FBXL2: variants seen among roughly 807,000 people sequenced by gnomAD.
FBXL2 encodes the protein F-box and leucine rich repeat protein 2, also known as F-box/LRR-repeat protein 2.
FBXL2 carries 38 observed loss-of-function variants against 69.2 expected under a neutral mutation model. That is an observed-to-expected ratio of 0.55 (90% CI 0.42 to 0.72). The LOEUF is 0.72. FBXL2 is among the 30% of genes least tolerant of loss of function. FBXL2 has a pLI of 0.00. For synonymous variants in FBXL2, 192 were observed against 201.3 expected, an observed-to-expected ratio of 0.95 and a Z score of 0.39; for missense variants, 354 against 520.3, an observed-to-expected ratio of 0.68 and a Z score of 3.11.
At chr3:33,304,550 C>T (rs1310347229) in intron 2 of FBXL2, among the ~76,000 whole-genome samples, 5 of 151,674 alleles carry the variant, frequency 3.3e-5, no homozygotes, top group Admixed American at 3.3e-4. Context: ...TTATTTTTTC[C>T]CCCTTTACTG....
intron 11 of FBXL2, among the ~76,000 whole-genome samples, chr3:33,377,720 G>T (rs1040877033): frequency 1.3e-5 from 2 of 152,144 alleles, no homozygotes; most frequent in African/African-American, 4.8e-5. Flanking sequence ...TCCTCCTGGG[G>T]CTGCTGATAT....
intron 13 of FBXL2, among the ~76,000 whole-genome samples, chr3:33,381,924 C>T (rs1467297815): frequency 1.3e-5 from 2 of 152,332 alleles, no homozygotes; most frequent in South Asian, 2.1e-4. Flanking sequence ...AGAGAAGAAT[C>T]TTTAAAGCAT....
rs2043225899 is a variant in FBXL2, at chr3:33,383,915, T to C, written c.952-74T>C. The C allele has an allele frequency of 6.8e-6, 10 of 1,470,086 alleles. No individual in the cohort carries two copies. In the South Asian group the frequency reaches 8.1e-5, roughly 12 times the overall value. The allele number at this position is 1,470,086 out of a possible 1,614,324, so 91.1% of individuals were successfully genotyped here. On this transcript the variant is annotated intron_variant, in intron 13 of 14. Coordinates refer to ENST00000484457, the MANE Select transcript of FBXL2 (RefSeq NM_012157.5). ...ATTGCAGAAGGGCAAAAAGGCTAGC[T>C]TCCAGCTTTTTTTTAGGACTTGAGC...
At chr3:33,364,824 G>A (rs2041848770) in intron 5 of FBXL2, 105 bp downstream of exon 5, 1 of 1,037,774 alleles carries the variant, frequency 9.6e-7, no homozygotes. Context: ...AATTCTTTCT[G>A]TGGTAATTTG....
chr3:33,282,409 T>G (rs527748728), intron 1 of FBXL2, among the ~76,000 whole-genome samples: 1 of 152,198 alleles, frequency 6.6e-6, no homozygotes, highest in Non-Finnish European at 1.5e-5. Context: ...GGTGTATATA[T>G]CTGTTTTGGT....
At chr3:33,408,423 G>A (rs557073219), downstream of FBXL2, among the ~76,000 whole-genome samples, 1 of 152,126 alleles carries the variant, frequency 6.6e-6, no homozygotes, top group East Asian at 1.9e-4. Flanking sequence ...AGTCAGGGAG[G>A]GAATACATAT....
At chr3:33,313,163 T>C (rs1340736187) in intron 2 of FBXL2, among the ~76,000 whole-genome samples, 5 of 151,294 alleles carry the variant, frequency 3.3e-5, no homozygotes, top group Admixed American at 3.3e-4. Context: ...AACAACTTTA[T>C]GCCAATAAAT....
At chr3:33,413,232 A>C in the FBXL2 span, among the ~76,000 whole-genome samples, 2 of 152,192 alleles carry the variant, frequency 1.3e-5, no homozygotes, top group Non-Finnish European at 2.9e-5. Flanking sequence ...AAACTTTGTT[A>C]ATTTAAAATA....
chr3:33,402,770 C>T, intron 12 of FBXL2: 1 of 1,452,122 alleles, frequency 6.9e-7, no homozygotes, highest in Non-Finnish European at 9.2e-7. Context: ...CATTAGTTAG[C>T]TGCAGGCACA....
At chr3:33,397,095 T>C (rs2044029846) in intron 12 of FBXL2, 9 of 1,602,422 alleles carry the variant, frequency 5.6e-6, no homozygotes, top group East Asian at 2.2e-5. Context: ...CACCACAAAT[T>C]TGAACTAAAT....
chr3:33,339,024 G>A (rs748240451), intron 2 of FBXL2, among the ~76,000 whole-genome samples: 7 of 152,126 alleles, frequency 4.6e-5, no homozygotes, highest in Admixed American at 1.3e-4. Flanking sequence ...TGCAAACTAT[G>A]CACCTGACAA....
chr3:33,396,241 C>G (rs777974965), intron 12 of FBXL2: 1 of 1,590,428 alleles, frequency 6.3e-7, no homozygotes, highest in East Asian at 2.3e-5. Context: ...TGCTTGGCTG[C>G]TCCCGGCAGA....
At chr3:33,277,176 CG>C (rs1243961517), upstream of FBXL2, 13 of 260,450 alleles carry the variant, frequency 5.0e-5, no homozygotes, top group Admixed American at 1.4e-4. Context: ...ACCTGTATAA[CG>C]TTTTTTTTAA....
intron 14 of FBXL2, among the ~76,000 whole-genome samples, chr3:33,384,843 A>T (rs976813665): frequency 3.9e-5 from 6 of 152,110 alleles, no homozygotes; most frequent in African/African-American, 1.2e-4. Context: ...GTTCGAGACC[A>T]GCTGACCAAC....
chr3:33,396,019 T>A (rs1575450554), intron 12 of FBXL2: 2 of 628,028 alleles, frequency 3.2e-6, no homozygotes, highest in East Asian at 5.7e-5. Flanking sequence ...AGCTGCCACC[T>A]CTCATTGCTG....
chr3:33,290,916 G>A (rs896872624), intron 1 of FBXL2, among the ~76,000 whole-genome samples: 1 of 152,012 alleles, frequency 6.6e-6, no homozygotes, highest in African/African-American at 2.4e-5. Context: ...AACAGTGCAG[G>A]TCAGAGGACA....
At chr3:33,330,823 AG>A (rs1248537236) in intron 2 of FBXL2, among the ~76,000 whole-genome samples, 2 of 152,056 alleles carry the variant, frequency 1.3e-5, no homozygotes, top group African/African-American at 2.4e-5. Flanking sequence ...TGGGAGGCGG[AG>A]GTTGCAGTGA....
chr3:33,297,848 CTTTTTG>C (rs1020950919), intron 2 of FBXL2, 123 bp downstream of exon 2: 2 of 714,550 alleles, frequency 2.8e-6, no homozygotes, highest in African/African-American at 3.5e-5. Flanking sequence ...GCCTAACTGA[CTTTTTG>C]TTTTTGTTTT....
At chr3:33,355,671 C>A (rs2041150244) in intron 2 of FBXL2, among the ~76,000 whole-genome samples, 1 of 152,150 alleles carries the variant, frequency 6.6e-6, no homozygotes, top group Non-Finnish European at 1.5e-5. Flanking sequence ...AAAAGTATAT[C>A]CAATCCCTTA....
Sources: allele counts gnomAD v4.1 joint callset (sites outside exome capture counted in the v4.1 genomes callset), GRCh38; gene constraint gnomAD v4.1.1; transcripts MANE v1.5; gene names NCBI Gene and HGNC (gene_info 2026-07-23, HGNC 2026-07-21).